Variants in RGS7 observed in about 807,000 individuals in gnomAD.
The protein encoded by RGS7 is regulator of G protein signaling 7.
Under a neutral mutation model 81.1 loss-of-function variants are expected in RGS7, and 27 were observed. The ratio of observed to expected loss-of-function variants is 0.33; its 90% CI spans 0.25 to 0.46. RGS7 has a LOEUF of 0.46. Among genes scored for constraint, RGS7 ranks in the 20% least tolerant of loss-of-function variants. RGS7 has a pLI of 1.00. For synonymous variants in RGS7, 208 were observed against 207.7 expected, an observed-to-expected ratio of 1.00 and a Z score of -0.01; for missense variants, 396 against 607.4, an observed-to-expected ratio of 0.65 and a Z score of 3.66.
chr1:241,179,683 A>G (rs1444424367), intron 2 of RGS7, among the ~76,000 whole-genome samples: 2 of 152,186 alleles, frequency 1.3e-5, no homozygotes, highest in Non-Finnish European at 2.9e-5. Context: ...GAAATGTAAT[A>G]ATACCCAGTC....
intron 2 of RGS7, among the ~76,000 whole-genome samples, chr1:241,194,695 C>T (rs2072936623): frequency 6.6e-6 from 1 of 152,112 alleles, no homozygotes; most frequent in Non-Finnish European, 1.5e-5. Context: ...AAAGGCTGAA[C>T]AAAATGTCCA....
chr1:240,945,662 T>C (rs979465658), intron 4 of RGS7, among the ~76,000 whole-genome samples: 1 of 152,250 alleles, frequency 6.6e-6, no homozygotes, highest in African/African-American at 2.4e-5. Flanking sequence ...ACAGTTTTTA[T>C]GAAATTTCAA....
chr1:240,822,677 C>T (rs953102177), intron 10 of RGS7, among the ~76,000 whole-genome samples: 1 of 152,000 alleles, frequency 6.6e-6, no homozygotes, highest in African/African-American at 2.4e-5. Context: ...GTCTTCTTAC[C>T]CATACTTATA....
chr1:240,914,140 C>A (rs534326967), intron 6 of RGS7, among the ~76,000 whole-genome samples: 20 of 146,642 alleles, frequency 1.4e-4, no homozygotes, highest in African/African-American at 5.0e-4. Flanking sequence ...CTGGATCTAT[C>A]TCTGATCTTG....
chr1:241,334,230 G>A (rs780853573), intron 2 of RGS7, among the ~76,000 whole-genome samples: 4 of 152,110 alleles, frequency 2.6e-5, no homozygotes, highest in Admixed American at 6.5e-5. Context: ...TATGAAGATC[G>A]TGGTTAACTA....
intron 2 of RGS7, among the ~76,000 whole-genome samples, chr1:241,210,201 G>A (rs1456704257): frequency 2.6e-5 from 4 of 152,122 alleles, no homozygotes; most frequent in Non-Finnish European, 5.9e-5. Context: ...CCAGGCTGGA[G>A]TGCAGTGGTG....
chr1:241,210,561 C>A (rs2074189018), intron 2 of RGS7, among the ~76,000 whole-genome samples: 1 of 152,098 alleles, frequency 6.6e-6, no homozygotes, highest in Non-Finnish European at 1.5e-5. Flanking sequence ...GACTTCAAAC[C>A]CTTCGTAAAG....
intron 2 of RGS7, among the ~76,000 whole-genome samples, chr1:241,307,114 T>G (rs1443377111): frequency 6.6e-6 from 1 of 152,246 alleles, no homozygotes; most frequent in Admixed American, 6.5e-5. Flanking sequence ...AGCTTTTGTA[T>G]AAATATGACC....
intron 3 of RGS7, among the ~76,000 whole-genome samples, chr1:240,987,506 T>A (rs1163335767): frequency 1.3e-5 from 2 of 151,994 alleles, no homozygotes; most frequent in African/African-American, 2.4e-5. Flanking sequence ...TAATCCATGA[T>A]TTTTGATGTT....
At chr1:241,193,703 G>C (rs892720976) in intron 2 of RGS7, among the ~76,000 whole-genome samples, 1 of 152,188 alleles carries the variant, frequency 6.6e-6, no homozygotes, top group Admixed American at 6.5e-5. Flanking sequence ...TCTGGAAACA[G>C]GCAGTACACA....
intron 18 of RGS7, among the ~76,000 whole-genome samples, chr1:240,796,618 A>G (rs1687112451): frequency 1.3e-5 from 2 of 152,206 alleles, no homozygotes; most frequent in African/African-American, 4.8e-5. Flanking sequence ...CCATGGAGGT[A>G]GAGGTTGCAG....
At chr1:241,247,811 A>C (rs1248549569) in intron 2 of RGS7, among the ~76,000 whole-genome samples, 1 of 152,172 alleles carries the variant, frequency 6.6e-6, no homozygotes, top group African/African-American at 2.4e-5. Context: ...TGAATGTATT[A>C]ATGTCTTGTA....
intron 9 of RGS7, among the ~76,000 whole-genome samples, chr1:240,843,169 AAAAT>A (rs1474636320): frequency 2.0e-5 from 3 of 152,128 alleles, no homozygotes; most frequent in Non-Finnish European, 4.4e-5. Flanking sequence ...CTATCTCAAA[AAAAT>A]AAAATAAAAA....
chr1:240,996,760 T>G (rs947780115), intron 3 of RGS7, among the ~76,000 whole-genome samples: 2 of 152,232 alleles, frequency 1.3e-5, no homozygotes, highest in Non-Finnish European at 2.9e-5. Flanking sequence ...TGCTGGCCTC[T>G]GTCTTTTAAA....
At chr1:241,012,624 T>G (rs2148665157) in intron 3 of RGS7, among the ~76,000 whole-genome samples, 1 of 152,280 alleles carries the variant, frequency 6.6e-6, no homozygotes, top group African/African-American at 2.4e-5. Flanking sequence ...CCAAATATAC[T>G]TCTTTGGCAT....
intron 4 of RGS7, among the ~76,000 whole-genome samples, chr1:240,937,211 C>T (rs764091022): frequency 4.6e-5 from 7 of 152,168 alleles, no homozygotes; most frequent in Admixed American, 1.3e-4. Context: ...GGACTAATAG[C>T]GTTAGGGATA....
At chr1:241,207,714 A>T (rs541366636) in intron 2 of RGS7, among the ~76,000 whole-genome samples, 20 of 152,272 alleles carry the variant, frequency 1.3e-4, no homozygotes, top group African/African-American at 4.6e-4. Flanking sequence ...ACATTTTGCA[A>T]TTTTTAAATA....
Position 241,235,754 on chromosome 1 carries a change from TC to T in RGS7, c.78+119944del, listed in dbSNP as rs558926926. Among the ~76,000 whole-genome samples the T allele has an allele frequency of 9.6e-4, 146 of 151,830 alleles. 1 individual carries two copies. The highest frequency in any genetic ancestry group is 5.0e-3 in the East Asian group (26 of 5,164). On this transcript the variant is annotated intron_variant, in intron 2 of 18. Transcript: ENST00000440928. ...TTCCTTCTCTTTCTCTCTCTCTCTCTCTCTTCACTCCTTTCCACCATTATTT... is the reference window on the plus strand; with the variant it reads ...TTCCTTCTCTTTCTCTCTCTCTCTCTTCTTCACTCCTTTCCACCATTATTT...
At chr1:241,076,485 GA>G (rs1327272234) in intron 3 of RGS7, among the ~76,000 whole-genome samples, 1 of 152,152 alleles carries the variant, frequency 6.6e-6, no homozygotes, top group Non-Finnish European at 1.5e-5. Flanking sequence ...CAGACGATCT[GA>G]AGCTAGATAT....
Sources: allele counts gnomAD v4.1 joint callset (sites outside exome capture counted in the v4.1 genomes callset), GRCh38; gene constraint gnomAD v4.1.1; transcripts MANE v1.5; gene names NCBI Gene and HGNC (gene_info 2026-07-23, HGNC 2026-07-21).